Variants in SKIL observed in about 807,000 individuals in gnomAD.
SKIL encodes SKI like proto-oncogene.
In SKIL, 20 loss-of-function variants were observed where a neutral mutation model predicts 69.6. That is an observed-to-expected ratio of 0.29 (90% CI 0.20 to 0.42). SKIL has a LOEUF of 0.42. Ranked by LOEUF, SKIL falls within the 10% of genes least tolerant of loss-of-function variation. The pLI is 1.00. For synonymous variants in SKIL, 310 were observed against 279.9 expected, an observed-to-expected ratio of 1.11 and a Z score of -1.08; for missense variants, 745 against 783.1, an observed-to-expected ratio of 0.95 and a Z score of 0.58.
chr3:170,375,550 A>G (rs964729468), intron 2 of SKIL, among the ~76,000 whole-genome samples: 4 of 152,236 alleles, frequency 2.6e-5, no homozygotes, highest in African/African-American at 9.6e-5. Context: ...GAAATATATA[A>G]ATCAATTTTA....
intron 2 of SKIL, among the ~76,000 whole-genome samples, chr3:170,378,021 G>A (rs943963131): frequency 6.6e-6 from 1 of 152,034 alleles, no homozygotes; most frequent in Non-Finnish European, 1.5e-5. Context: ...AGCCTCCTGA[G>A]TAGCTAGGAT....
chr3:170,376,872 G>A (rs77686284), intron 2 of SKIL, among the ~76,000 whole-genome samples: 3 of 152,138 alleles, frequency 2.0e-5, no homozygotes, highest in East Asian at 1.9e-4. Context: ...GAGCCGTTGC[G>A]CCTGGCCAAC....
chr3:170,387,933 C>CAAAAAAAAA (rs541166783), intron 4 of SKIL, among the ~76,000 whole-genome samples: 13 of 51,036 alleles, frequency 2.5e-4, no homozygotes, highest in African/African-American at 4.0e-4. Flanking sequence ...GACTCCGTCT[C>CAAAAAAAAA]AAAAAAAAAA....
chr3:170,391,039 G>T lies in SKIL; in HGVS notation c.1675G>T (p.Val559Leu), dbSNP rs1403884777. 6.6e-7 allele frequency: 1 copy of T among 1,507,960 alleles called. No individual in the cohort carries two copies. Among genetic ancestry groups the T allele is most frequent in the South Asian group, 1.2e-5 (1 of 84,888 alleles). The allele number at this position is 1,507,960 out of a possible 1,614,324, so 93.4% of individuals were successfully genotyped here. ...LQKKQQLQME[V>L]KMLSSSKSMK... ...ATTGTGATTCTTTACATTACAGGAAGTAAAAATGTTGAGTAGTTCAAAATC... is the reference window on the plus strand; with the variant it reads ...ATTGTGATTCTTTACATTACAGGAATTAAAAATGTTGAGTAGTTCAAAATC... Residue 559 changes from valine (V) to leucine (L), a missense_variant, in exon 6 of 7, where the codon GTA (valine) becomes TTA (leucine). By Grantham distance (32) the Val-to-Leu change is conservative (BLOSUM62 1). Transcript: ENST00000259119.
chr3:170,360,658 T>C lies in SKIL; in HGVS notation c.327T>C (p.Ala109=), dbSNP rs2108890412. The C allele has an allele frequency of 6.2e-7, 1 of 1,614,216 alleles. No individual in the cohort carries two copies. The highest frequency in any genetic ancestry group is 8.5e-7 in the Non-Finnish European group (1 of 1,180,034). Residue 109 remains alanine, a synonymous_variant, in exon 2 of 7, where the codon GCT becomes GCC. Coordinates refer to ENST00000259119, the MANE Select transcript of SKIL (RefSeq NM_005414.5). ...SSLGGPAAFS[A]RHSQESMSPT... is the part of the protein sequence containing the mutation. ...TGGGTGGACCAGCAGCATTTTCTGCTCGGCATTCCCAAGAAAGCATGTCGC... is the reference window on the plus strand; with the variant it reads ...TGGGTGGACCAGCAGCATTTTCTGCCCGGCATTCCCAAGAAAGCATGTCGC...
rs59222162 is a variant in SKIL, at chr3:170,365,752, C to CTTTT, written c.1098+4341_1098+4344dup. On this transcript the variant is annotated intron_variant, in intron 2 of 6. Transcript: ENST00000259119. ...GCTCATTTTAAAAAGTCAAACTAGG[C>CTTTT]TTTTTTTTTTTTTTTTTTTTTGAGA... is the stretch of plus-strand genomic sequence containing the variant. Among the ~76,000 whole-genome samples, 327 of 106,412 alleles carry CTTTT rather than the reference C, an allele frequency of 3.1e-3. 14 individuals are homozygous for CTTTT. Among genetic ancestry groups the CTTTT allele is most frequent in the African/African-American group, 0.012 (295 of 25,178 alleles). 69.8% of individuals were successfully genotyped at this position (106,412 alleles called of 152,430 possible).
rs374135661 is a variant in SKIL, at chr3:170,360,791, A to C, written c.460A>C (p.Ile154Leu). The change falls in exon 2 of 7, where the codon ATT (isoleucine) becomes CTT (leucine). Residue 154 changes from isoleucine (I) to leucine (L), a missense_variant. Transcript: ENST00000259119. ...LTQTVLEGES[I>L]SCFQVGGEKR... ...TCAGACTGTGTTGGAAGGGGAATCT[A>C]TTTCTTGTTTTCAAGTTGGAGGAGA... 7 of 1,613,934 alleles carry C rather than the reference A, an allele frequency of 4.3e-6. No homozygotes were observed. In the African/African-American group the frequency reaches 8.0e-5, roughly 18 times the overall value.
chr3:170,362,825 A>C (rs1303634949), intron 2 of SKIL, among the ~76,000 whole-genome samples: 2 of 148,402 alleles, frequency 1.3e-5, no homozygotes, highest in Non-Finnish European at 3.0e-5. Context: ...AAAAAAAAAA[A>C]ACACAACCAC....
intron 2 of SKIL, among the ~76,000 whole-genome samples, chr3:170,373,157 C>T (rs962144321): frequency 3.3e-5 from 5 of 150,992 alleles, no homozygotes; most frequent in African/African-American, 1.2e-4. Context: ...CCACCAGGCC[C>T]GGCTAATTTT....
At chr3:170,385,885 T>TC (rs1285270693) in intron 4 of SKIL, among the ~76,000 whole-genome samples, 1 of 151,118 alleles carries the variant, frequency 6.6e-6, no homozygotes, top group African/African-American at 2.4e-5. Context: ...CACCGCAACC[T>TC]CCACCTCCCA....
chr3:170,379,599 G>A (rs1001805021), intron 2 of SKIL, among the ~76,000 whole-genome samples: 1 of 152,116 alleles, frequency 6.6e-6, no homozygotes, highest in Admixed American at 6.6e-5. Flanking sequence ...GGAGAAGTTA[G>A]TAACCACAGA....
At chr3:170,386,430 A>T (rs1737637065) in intron 4 of SKIL, among the ~76,000 whole-genome samples, 2 of 151,990 alleles carry the variant, frequency 1.3e-5, no homozygotes, top group Admixed American at 1.3e-4. Context: ...GCGCCCGGCC[A>T]GGGGTTTTCT....
chr3:170,363,681 C>T (rs1440894009), intron 2 of SKIL, among the ~76,000 whole-genome samples: 2 of 152,004 alleles, frequency 1.3e-5, no homozygotes, highest in East Asian at 1.9e-4. Flanking sequence ...AGACTGGTTT[C>T]GCCATGTTAG....
chr3:170,367,101 T>G (rs902579480), intron 2 of SKIL, among the ~76,000 whole-genome samples: 2 of 152,178 alleles, frequency 1.3e-5, no homozygotes, highest in Non-Finnish European at 2.9e-5. Context: ...TCTTCACTTT[T>G]TTTGTTTGTT....
At chr3:170,364,099 C>T (rs776429932) in intron 2 of SKIL, among the ~76,000 whole-genome samples, 1 of 152,090 alleles carries the variant, frequency 6.6e-6, no homozygotes, top group Non-Finnish European at 1.5e-5. Flanking sequence ...TTCAGGCGCC[C>T]ACCGCCATGC....
intron 2 of SKIL, 126 bp from the exon 3 acceptor site, chr3:170,381,118 T>C (rs1737321102): frequency 1.6e-6 from 1 of 634,340 alleles, no homozygotes; most frequent in South Asian, 1.7e-5. Flanking sequence ...TGAACCACTG[T>C]GCGTGGCATG....
chr3:170,382,034 A>G (rs111788403), intron 3 of SKIL, among the ~76,000 whole-genome samples: 27 of 152,160 alleles, frequency 1.8e-4, no homozygotes, highest in African/African-American at 6.5e-4. Context: ...GTGAGCCGAG[A>G]TCGCGTCATT....
At chr3:170,379,388 T>G (rs1429557023) in intron 2 of SKIL, among the ~76,000 whole-genome samples, 1 of 152,184 alleles carries the variant, frequency 6.6e-6, no homozygotes, top group Non-Finnish European at 1.5e-5. Context: ...TGGGTTTGTC[T>G]GTTAACTTCC....
At chr3:170,376,395 G>A (rs1226105543) in intron 2 of SKIL, among the ~76,000 whole-genome samples, 1 of 151,912 alleles carries the variant, frequency 6.6e-6, no homozygotes, top group East Asian at 1.9e-4. Flanking sequence ...ACTTATCCTC[G>A]TTCATTGACA....
Sources: gnomAD v4.1 joint callset for allele counts (sites outside exome capture counted in the v4.1 genomes callset) on GRCh38, gnomAD v4.1.1 for gene constraint, MANE v1.5 for transcripts, NCBI Gene and HGNC (gene_info 2026-07-23, HGNC 2026-07-21) for gene names.